LTN1: variants seen among roughly 807,000 people sequenced by gnomAD.
The protein encoded by LTN1 is listerin E3 ubiquitin protein ligase 1, also known as E3 ubiquitin-protein ligase listerin.
Under a neutral mutation model 201.2 loss-of-function variants are expected in LTN1, and 88 were observed. That is an observed-to-expected ratio of 0.44 (90% confidence interval 0.37 to 0.52). The LOEUF (loss-of-function observed/expected upper bound fraction) is 0.52. LTN1 is among the 20% of genes least tolerant of loss of function. LTN1 has a pLI of 0.00. For synonymous variants in LTN1, 645 were observed against 713.5 expected, an observed-to-expected ratio of 0.90 and a Z score of 1.53; for missense variants, 1,752 against 2,038.7, an observed-to-expected ratio of 0.86 and a Z score of 2.71.
chr21:28,953,661 C>G (rs781619451), intron 16 of LTN1, among the ~76,000 whole-genome samples: 16 of 152,146 alleles, frequency 1.1e-4, no homozygotes, highest in Non-Finnish European at 1.2e-4. Flanking sequence ...AAAGAATCTT[C>G]CTACCATTTT....
intron 25 of LTN1, among the ~76,000 whole-genome samples, chr21:28,940,949 T>C (rs988476499): frequency 1.4e-4 from 21 of 152,170 alleles, no homozygotes; most frequent in Admixed American, 7.2e-4. Flanking sequence ...TAGCCAGGCA[T>C]GGTGGCTTGC....
chr21:28,940,529 A>C (rs1373383210), intron 25 of LTN1, among the ~76,000 whole-genome samples: 1 of 152,220 alleles, frequency 6.6e-6, no homozygotes, highest in East Asian at 1.9e-4. Flanking sequence ...ATGATGTATT[A>C]AGTTATATCT....
intron 6 of LTN1, among the ~76,000 whole-genome samples, chr21:28,975,746 AACTAAAAATCTCACAC>A (rs1371990889): frequency 6.6e-6 from 1 of 152,240 alleles, no homozygotes; most frequent in Non-Finnish European, 1.5e-5. Flanking sequence ...GATATGGAGC[AACTAAAAATCTCACAC>A]ATTGCTGGTA....
intron 3 of LTN1, among the ~76,000 whole-genome samples, chr21:28,985,697 T>C (rs2084692917): frequency 6.6e-6 from 1 of 151,580 alleles, no homozygotes; most frequent in Admixed American, 6.6e-5. Context: ...TCTTGTTCTA[T>C]TGTCCAGGCT....
At position 28,947,588 on chromosome 21, in the gene LTN1, T is replaced by G. The variant is rs958386783; in HGVS notation, c.3363A>C (p.Glu1121Asp). Reference protein sequence around the residue: ...KRKESFFPLTEGNLHTIQSLC... With the variant: ...KRKESFFPLTDGNLHTIQSLC... The stretch of plus-strand genomic sequence containing the variant: ...GACTTTGAATGGTATGCAAATTGCC[T>G]TCAGTTAGTGGAAAAAAACTGTTTA... Residue 1121 changes from glutamate to aspartate, a missense_variant, in exon 19 of 30, where the codon GAA becomes GAC. Glu to Asp is a conservative substitution (Grantham distance 45). This residue lies in a region of LTN1 where 1,211 missense variants were observed against 1,312.8 expected (regional missense o/e 0.92). Transcript: ENST00000361371. 6.4e-7 allele frequency: 1 copy of G among 1,563,272 alleles called. No individual in the cohort carries two copies. The highest frequency in any genetic ancestry group is 1.4e-5 in the African/African-American group (1 of 71,806).
intron 12 of LTN1, 66 bp from the exon 13 acceptor site, chr21:28,959,763 C>A: frequency 7.6e-7 from 1 of 1,316,978 alleles, no homozygotes; most frequent in Non-Finnish European, 1.0e-6. Context: ...AAATATCTTA[C>A]TTTGGATTAA....
intron 28 of LTN1, 125 bp from the exon 29 acceptor site, chr21:28,931,447 A>G: frequency 3.3e-6 from 2 of 598,630 alleles, no homozygotes; most frequent in East Asian, 5.9e-5. Context: ...GGCTATGTTC[A>G]TGTCTCCCAA....
At chr21:28,970,402 A>G (rs1396720168) in intron 8 of LTN1, 150 bp downstream of exon 8, 20 of 632,920 alleles carry the variant, frequency 3.2e-5, no homozygotes, top group South Asian at 2.8e-4. Flanking sequence ...AACGTACTCA[A>G]GAAAAAAATA....
chr21:28,960,566 TGAG>T lies in LTN1; in HGVS notation c.2301_2303del (p.Phe767_Ser768delinsLeu). On this transcript the variant is annotated inframe_deletion, in exon 12 of 30. Coordinates refer to ENST00000361371, the MANE Select transcript of LTN1 (RefSeq NM_015565.3). ...CCAAGCTTAGAAGAGTCCATCTTTC[TGAG>T]AAGTGAGATTCTGAAGATACCCTGG... 1 of 1,613,906 alleles carries T rather than the reference TGAG, an allele frequency of 6.2e-7. No homozygotes were observed. The highest frequency in any genetic ancestry group is 8.5e-7 in the Non-Finnish European group (1 of 1,179,846).
intron 15 of LTN1, 71 bp from the exon 16 acceptor site, chr21:28,957,019 T>C: frequency 1.0e-6 from 1 of 974,394 alleles, no homozygotes; most frequent in East Asian, 2.6e-5. Flanking sequence ...AAAATGAAGT[T>C]GTGAGAATAT....
At chr21:28,944,691 T>G (rs2084324164) in intron 21 of LTN1, 95 bp from the exon 22 acceptor site, 1 of 900,172 alleles carries the variant, frequency 1.1e-6, no homozygotes, top group Non-Finnish European at 1.7e-6. Flanking sequence ...TTCATTTCTT[T>G]GAATTTTAAA....
chr21:28,936,409 A>G, intron 26 of LTN1, 117 bp downstream of exon 26: 1 of 694,996 alleles, frequency 1.4e-6, no homozygotes, highest in African/African-American at 1.8e-5. Flanking sequence ...CAATTTCAAC[A>G]TTCTCATAGC....
At chr21:28,978,358 C>G (rs971877026) in intron 6 of LTN1, among the ~76,000 whole-genome samples, 1 of 151,848 alleles carries the variant, frequency 6.6e-6, no homozygotes, top group South Asian at 2.1e-4. Context: ...TGTCTTGTAA[C>G]GGCATGACCA....
chr21:28,963,698 T>C lies in LTN1; in HGVS notation c.2163+2167A>G, dbSNP rs538446695. On this transcript the variant is annotated intron_variant, in intron 11 of 29. Coordinates refer to ENST00000361371, the MANE Select transcript of LTN1 (RefSeq NM_015565.3). The stretch of plus-strand genomic sequence containing the variant: ...TTAAGAAATACATTTCATTAAGCTA[T>C]AGCAGCCATAGACAGTGATTCCTCT... 2.0e-5 allele frequency among the ~76,000 whole-genome samples: 3 copies of C among 152,342 alleles called. No individual in the cohort carries two copies. In the East Asian group the frequency reaches 5.8e-4, roughly 29 times the overall value.
Position 28,959,588 on chromosome 21 carries a change from A to C in LTN1, c.2463T>G (p.Ser821=). The change falls in exon 13 of 30, where the codon TCT becomes TCG. Residue 821 remains serine, a synonymous_variant. Transcript: ENST00000361371. Reference sequence around the variant, plus strand: ...AGTTATAGGCCACATCACAGATAAAAGACACTGATGAGTCACTGCTTTCAG... The same window carrying C: ...AGTTATAGGCCACATCACAGATAAACGACACTGATGAGTCACTGCTTTCAG... The part of the protein sequence containing the change: ...SEAESSDSSV[S]FICDVAYNYF... The C allele has an allele frequency of 6.2e-7, 1 of 1,614,108 alleles. No homozygotes were observed. Among genetic ancestry groups the C allele is most frequent in the Non-Finnish European group, 8.5e-7 (1 of 1,179,990 alleles).
At chr21:28,957,241 TTA>T in intron 15 of LTN1, 89 bp downstream of exon 15, 2 of 1,257,042 alleles carry the variant, frequency 1.6e-6, no homozygotes, top group Non-Finnish European at 2.2e-6. Flanking sequence ...CTCATTTTAT[TTA>T]TGTTTTTCTT....
At chr21:28,954,024 T>C (rs765896799) in intron 16 of LTN1, among the ~76,000 whole-genome samples, 51 of 152,302 alleles carry the variant, frequency 3.3e-4, no homozygotes, top group Non-Finnish European at 6.0e-4. Context: ...TGGTTCAAAA[T>C]CTAATCCTAC....
At chr21:28,955,925 A>AAAAG (rs1389418929) in intron 16 of LTN1, among the ~76,000 whole-genome samples, 2 of 103,954 alleles carry the variant, frequency 1.9e-5, no homozygotes, top group African/African-American at 1.1e-4. Context: ...TCTGTCTCAA[A>AAAAG]AAAAAAAAAA....
At chr21:28,944,657 G>T in intron 21 of LTN1, 61 bp from the exon 22 acceptor site, 1 of 1,183,712 alleles carries the variant, frequency 8.4e-7, no homozygotes, top group Non-Finnish European at 1.2e-6. Context: ...TACAAATAAA[G>T]CCAATATAAA....
Sources: allele counts gnomAD v4.1 joint callset (sites outside exome capture counted in the v4.1 genomes callset), GRCh38; gene constraint gnomAD v4.1.1; regional missense constraint gnomAD v4.1.1; transcripts MANE v1.5; gene names NCBI Gene and HGNC (gene_info 2026-07-23, HGNC 2026-07-21).